The following EVI5 variants were observed in gnomAD, a reference collection of about 807,000 sequenced individuals.
The protein encoded by EVI5 is ecotropic viral integration site 5.
A neutral mutation model predicts 112.0 loss-of-function variants in EVI5; 73 were observed. The ratio of observed to expected loss-of-function variants is 0.65; its 90% CI spans 0.54 to 0.79. The LOEUF (loss-of-function observed/expected upper bound fraction) is 0.79. EVI5 is among the 30% of genes least tolerant of loss of function. The pLI is 0.00. For missense variants in EVI5, 900 were observed against 968.8 expected (o/e 0.93, Z 0.94); for synonymous variants, 305 against 319.9 (o/e 0.95, Z 0.50).
chr1:92,607,639 T>C lies in EVI5; in HGVS notation c.1916A>G (p.Lys639Arg), dbSNP rs1192738072. ...EKVQYLSAQN[K>R]GLLTQLSEAK... ...TTCACTTAATTGAGTAAGGAGTCCTTTGTTCTGTGCAGAAAGATACTGCAC... is the reference window on the plus strand; with the variant it reads ...TTCACTTAATTGAGTAAGGAGTCCTCTGTTCTGTGCAGAAAGATACTGCAC... The change falls in exon 17 of 20, where the codon AAA (lysine) becomes AGA (arginine). Residue 639 changes from lysine (K) to arginine (R), a missense_variant. Physicochemically the swap from Lys to Arg is conservative, Grantham distance 26. Transcript: ENST00000684568. The C allele has an allele frequency of 1.2e-6, 2 of 1,607,214 alleles. No homozygotes were observed. The highest frequency in any genetic ancestry group is 8.5e-7 in the Non-Finnish European group (1 of 1,177,670).
chr1:92,767,318 T>A (rs1483859249), intron 1 of EVI5, among the ~76,000 whole-genome samples: 1 of 152,224 alleles, frequency 6.6e-6, no homozygotes, highest in Non-Finnish European at 1.5e-5. Context: ...GTAATAATTA[T>A]TAATTGTTGT....
intron 19 of EVI5, among the ~76,000 whole-genome samples, chr1:92,520,513 AAG>A (rs1660726319): frequency 6.6e-6 from 1 of 152,160 alleles, no homozygotes; most frequent in African/African-American, 2.4e-5. Context: ...GAGAATGAAA[AAG>A]AGATAAATCT....
At chr1:92,722,207 T>C (rs1033669441) in intron 2 of EVI5, among the ~76,000 whole-genome samples, 1 of 152,192 alleles carries the variant, frequency 6.6e-6, no homozygotes, top group African/African-American at 2.4e-5. Context: ...TTCAGGAATA[T>C]AATATACTGT....
chr1:92,770,314 A>G (rs1683190827), intron 1 of EVI5, among the ~76,000 whole-genome samples: 1 of 152,234 alleles, frequency 6.6e-6, no homozygotes, highest in Non-Finnish European at 1.5e-5. Context: ...TCATATAAAT[A>G]TAAATGTACT....
intron 1 of EVI5, chr1:92,773,987 C>A (rs1197306538): frequency 6.6e-6 from 1 of 151,098 alleles, no homozygotes; most frequent in Admixed American, 6.6e-5. Flanking sequence ...GCCATGATCA[C>A]CCCACTGCAC....
chr1:92,596,582 C>T (rs918342557), intron 18 of EVI5, among the ~76,000 whole-genome samples: 10 of 151,922 alleles, frequency 6.6e-5, no homozygotes, highest in Admixed American at 6.6e-4. Context: ...AGCAAATACA[C>T]AAAAAATGAA....
chr1:92,755,099 A>C (rs1431291001), intron 1 of EVI5, among the ~76,000 whole-genome samples: 2 of 144,530 alleles, frequency 1.4e-5, no homozygotes, highest in Non-Finnish European at 3.0e-5. Flanking sequence ...TGCATCTGAA[A>C]TATTCATTAT....
chr1:92,512,594 G>A lies in EVI5; in HGVS notation c.*1062C>T, dbSNP rs957734828. 6.6e-6 allele frequency: 1 copy of A among 152,098 alleles called. No individual in the cohort carries two copies. Among genetic ancestry groups the A allele is most frequent in the Admixed American group, 6.5e-5 (1 of 15,282 alleles). The allele number at this position is 152,098 out of a possible 1,614,324, so 9.4% of individuals were successfully genotyped here. A position where few individuals can be genotyped will look rare whatever the true frequency, so the allele number is the denominator to read the frequency against. ...ATAAAATGATGTTCAATGTTAGGTG[G>A]TACAGATTTATAAATATGTACAAAC... On this transcript the variant is annotated 3_prime_UTR_variant, in exon 20 of 20. Transcript: ENST00000684568.
intron 18 of EVI5, among the ~76,000 whole-genome samples, chr1:92,599,683 G>A (rs1307096303): frequency 6.6e-6 from 1 of 152,124 alleles, no homozygotes; most frequent in Non-Finnish European, 1.5e-5. Context: ...CAAAAGTAGA[G>A]GAGTAAGAAG....
At chr1:92,524,203 C>G (rs1412461856) in intron 19 of EVI5, among the ~76,000 whole-genome samples, 1 of 147,852 alleles carries the variant, frequency 6.8e-6, no homozygotes, top group East Asian at 2.0e-4. Flanking sequence ...TTCAGCAGGA[C>G]AGGCCCAGGA....
At chr1:92,617,591 G>A (rs572439652) in intron 16 of EVI5, among the ~76,000 whole-genome samples, 18 of 152,320 alleles carry the variant, frequency 1.2e-4, no homozygotes, top group African/African-American at 4.3e-4. Context: ...AGGGATGGAA[G>A]TTACACATGG....
intron 19 of EVI5, among the ~76,000 whole-genome samples, chr1:92,528,171 C>T (rs552915562): frequency 6.6e-6 from 1 of 152,292 alleles, no homozygotes; most frequent in South Asian, 2.1e-4. Context: ...GAAAATACAA[C>T]ACTGAATTTT....
At chr1:92,649,068 T>G (rs573015472) in intron 13 of EVI5, among the ~76,000 whole-genome samples, 2 of 152,350 alleles carry the variant, frequency 1.3e-5, no homozygotes, top group Non-Finnish European at 2.9e-5. Flanking sequence ...CCATCCATTA[T>G]AATGGATGTG....
intron 18 of EVI5, among the ~76,000 whole-genome samples, chr1:92,581,172 C>T (rs1571679305): frequency 6.6e-6 from 1 of 152,188 alleles, no homozygotes. Context: ...ATTTCCTTTG[C>T]CTTCCAAGCT....
In EVI5 at chr1:92,784,862, G is replaced by A; in HGVS notation, c.-108C>T. On this transcript the variant is annotated 5_prime_UTR_variant, in exon 1 of 20. In the 5' UTR this introduces an upstream ATG that the reference lacks. Transcript: ENST00000684568. ...TTGGAAACGTTGAGTAGACTTCGCC[G>A]TAAACATTAACTTCCCATCCAGCCG... 2.0e-6 allele frequency: 2 copies of A among 985,664 alleles called. No individual in the cohort carries two copies. Among genetic ancestry groups the A allele is most frequent in the Non-Finnish European group, 2.4e-6 (2 of 830,206 alleles). 61.1% of individuals were successfully genotyped at this position (985,664 alleles called of 1,614,324 possible).
intron 19 of EVI5, among the ~76,000 whole-genome samples, chr1:92,514,693 T>C (rs1659600969): frequency 1.3e-5 from 2 of 152,152 alleles, no homozygotes; most frequent in South Asian, 4.1e-4. Flanking sequence ...GGACAATCTT[T>C]TTACATTACA....
chr1:92,740,345 T>C (rs906655524), intron 1 of EVI5, among the ~76,000 whole-genome samples: 2 of 152,188 alleles, frequency 1.3e-5, no homozygotes, highest in Non-Finnish European at 2.9e-5. Context: ...CACACCACAA[T>C]GCAAAACTGC....
intron 13 of EVI5, among the ~76,000 whole-genome samples, chr1:92,660,880 T>A (rs1449154671): frequency 1.3e-5 from 2 of 152,024 alleles, no homozygotes; most frequent in Non-Finnish European, 2.9e-5. Flanking sequence ...CATAACTACA[T>A]ACATTTCCAA....
At position 92,611,831 on chromosome 1, in the gene EVI5, G is replaced by T. The variant is rs188365302; in HGVS notation, c.1828-4104C>A. ...GGCTGGGGCAGGAGAACTGTTTGAG[G>T]TCAGGAGCTTGAGGCTGTAGTGAGA... On this transcript the variant is annotated intron_variant, in intron 16 of 19. Transcript: ENST00000684568. Among the ~76,000 whole-genome samples the T allele has an allele frequency of 9.9e-5, 15 of 151,936 alleles. No individual in the cohort carries two copies. In the East Asian group the frequency reaches 2.3e-3, roughly 23 times the overall value.
Sources: gnomAD v4.1 joint callset for allele counts (sites outside exome capture counted in the v4.1 genomes callset) on GRCh38, gnomAD v4.1.1 for gene constraint, MANE v1.5 for transcripts, NCBI Gene and HGNC (gene_info 2026-07-23, HGNC 2026-07-21) for gene names.